GUCY1A2: variants seen among roughly 807,000 people sequenced by gnomAD.
GUCY1A2 encodes guanylate cyclase 1 soluble subunit alpha 2.
In GUCY1A2, 27 loss-of-function variants were observed where a neutral mutation model predicts 63.5. The ratio of observed to expected loss-of-function variants is 0.43; its 90% CI spans 0.31 to 0.59. The LOEUF (loss-of-function observed/expected upper bound fraction) is 0.59. GUCY1A2 is among the 20% of genes least tolerant of loss of function. The probability of loss-of-function intolerance (pLI) is 0.11; values close to 1 mark genes in which losing one functional copy is unlikely to be tolerated. For missense variants in GUCY1A2, 768 were observed against 913.3 expected, an observed-to-expected ratio of 0.84 and a Z score of 2.05; for synonymous variants, 364 against 343.5, an observed-to-expected ratio of 1.06 and a Z score of -0.66.
At chr11:107,016,362 C>A (rs1459991835) in intron 1 of GUCY1A2, among the ~76,000 whole-genome samples, 1 of 152,234 alleles carries the variant, frequency 6.6e-6, no homozygotes, top group Non-Finnish European at 1.5e-5. Context: ...TTTTCAAATT[C>A]TGTCTGCAAC....
In GUCY1A2 at chr11:106,902,970, C is replaced by A. The variant is rs1211588728; in HGVS notation, c.1206+36490G>T. Among the ~76,000 whole-genome samples, 3 of 152,144 alleles carry A rather than the reference C, an allele frequency of 2.0e-5. 1 individual carries two copies. Among genetic ancestry groups the A allele is most frequent in the Non-Finnish European group, 4.4e-5 (3 of 68,018 alleles). ...ATCTCCCACAGATACCAAGGGACGA[C>A]AGTACATGCCTCTTGATTATGAATC... is the stretch of plus-strand genomic sequence containing the variant. On this transcript the variant is annotated intron_variant, in intron 4 of 7. Transcript: ENST00000526355.
At chr11:106,799,019 G>A (rs1006569637) in intron 5 of GUCY1A2, among the ~76,000 whole-genome samples, 20 of 152,268 alleles carry the variant, frequency 1.3e-4, no homozygotes, top group East Asian at 9.6e-4. Context: ...AAACCCCATT[G>A]TCTCAGCCCC....
intron 4 of GUCY1A2, among the ~76,000 whole-genome samples, chr11:106,838,092 A>T (rs919069990): frequency 6.6e-6 from 1 of 151,832 alleles, no homozygotes; most frequent in African/African-American, 2.4e-5. Flanking sequence ...TGCTTTCCCA[A>T]TGTCACCTCC....
At chr11:107,013,146 C>A (rs1358702065) in intron 1 of GUCY1A2, among the ~76,000 whole-genome samples, 1 of 152,156 alleles carries the variant, frequency 6.6e-6, no homozygotes, top group Non-Finnish European at 1.5e-5. Context: ...TCTTGAACAA[C>A]TCCACAGGTC....
chr11:106,911,822 G>A (rs899346062), intron 4 of GUCY1A2, among the ~76,000 whole-genome samples: 5 of 151,930 alleles, frequency 3.3e-5, no homozygotes, highest in African/African-American at 1.2e-4. Flanking sequence ...TGAGAATTTA[G>A]AAGTTTCTAA....
intron 6 of GUCY1A2, among the ~76,000 whole-genome samples, chr11:106,772,127 G>C (rs1478568338): frequency 1.3e-5 from 2 of 152,000 alleles, no homozygotes; most frequent in African/African-American, 4.8e-5. Flanking sequence ...TTTACAATTA[G>C]TGAGTCAAGG....
intron 4 of GUCY1A2, among the ~76,000 whole-genome samples, chr11:106,860,806 A>C (rs1031594413): frequency 2.0e-5 from 3 of 152,020 alleles, no homozygotes; most frequent in African/African-American, 7.2e-5. Flanking sequence ...TTAACTCACA[A>C]AAATTAAGAC....
chr11:106,751,275 C>T (rs1404807481), intron 6 of GUCY1A2, among the ~76,000 whole-genome samples: 2 of 152,044 alleles, frequency 1.3e-5, no homozygotes, highest in Non-Finnish European at 2.9e-5. Context: ...TTAAAATGTA[C>T]ACATATGAGA....
chr11:106,824,668 G>GAC (rs1737554909), intron 4 of GUCY1A2: 1 of 850,478 alleles, frequency 1.2e-6, no homozygotes, highest in Middle Eastern at 3.7e-4. Flanking sequence ...GAAATTTGTA[G>GAC]ATAAAAAACT....
chr11:106,776,743 C>G (rs1221280739), intron 5 of GUCY1A2, among the ~76,000 whole-genome samples, 161 bp from the exon 6 acceptor site: 1 of 152,146 alleles, frequency 6.6e-6, no homozygotes, highest in African/African-American at 2.4e-5. Context: ...AGTTTGCAAA[C>G]AGCCACAGTC....
chr11:106,952,763 C>T (rs1325287337), intron 3 of GUCY1A2, among the ~76,000 whole-genome samples: 1 of 151,970 alleles, frequency 6.6e-6, no homozygotes, highest in Non-Finnish European at 1.5e-5. Context: ...GCCTCAGCCT[C>T]CCAATATCTG....
chr11:106,949,675 A>G (rs1860878197), intron 3 of GUCY1A2, among the ~76,000 whole-genome samples: 1 of 152,130 alleles, frequency 6.6e-6, no homozygotes, highest in Non-Finnish European at 1.5e-5. Flanking sequence ...CCTCAACCAG[A>G]CTTAACCTCT....
chr11:106,963,719 G>C (rs746623808), intron 3 of GUCY1A2, among the ~76,000 whole-genome samples: 7 of 152,102 alleles, frequency 4.6e-5, no homozygotes, highest in Non-Finnish European at 1.0e-4. Flanking sequence ...GGTGATACTA[G>C]GAATTTATAG....
chr11:106,975,534 C>A (rs1316377878), intron 3 of GUCY1A2, among the ~76,000 whole-genome samples: 3 of 152,150 alleles, frequency 2.0e-5, no homozygotes, highest in Admixed American at 2.0e-4. Context: ...TGTCTACTAT[C>A]TTTCTTTGCA....
chr11:106,994,250 AAT>A (rs1264000587), intron 1 of GUCY1A2, among the ~76,000 whole-genome samples: 2 of 152,234 alleles, frequency 1.3e-5, no homozygotes, highest in African/African-American at 4.8e-5. Flanking sequence ...ACATATAATC[AAT>A]ATTGTAATTA....
intron 4 of GUCY1A2, among the ~76,000 whole-genome samples, chr11:106,831,708 G>A (rs1418304297): frequency 1.3e-5 from 2 of 152,280 alleles, no homozygotes; most frequent in African/African-American, 4.8e-5. Flanking sequence ...CTCGCAGCAG[G>A]GCTGCTCAGT....
chr11:106,889,784 G>C (rs1382252457), intron 4 of GUCY1A2, among the ~76,000 whole-genome samples: 1 of 152,136 alleles, frequency 6.6e-6, no homozygotes, highest in Non-Finnish European at 1.5e-5. Flanking sequence ...GGTGTCTAAA[G>C]AAACTGAAGC....
chr11:106,818,719 G>A (rs2135428936), intron 4 of GUCY1A2, among the ~76,000 whole-genome samples: 1 of 152,182 alleles, frequency 6.6e-6, no homozygotes, highest in East Asian at 1.9e-4. Flanking sequence ...GAAAATGAAA[G>A]GTTCTTGAAG....
intron 4 of GUCY1A2, among the ~76,000 whole-genome samples, chr11:106,885,337 T>A (rs532816467): frequency 2.0e-5 from 3 of 152,278 alleles, no homozygotes; most frequent in Non-Finnish European, 4.4e-5. Context: ...TATCCATCAA[T>A]CTTACATTAA....
Sources: allele counts gnomAD v4.1 joint callset (sites outside exome capture counted in the v4.1 genomes callset), GRCh38; gene constraint gnomAD v4.1.1; transcripts MANE v1.5; gene names NCBI Gene and HGNC (gene_info 2026-07-23, HGNC 2026-07-21).